The following KIF26B variants were observed in gnomAD, a reference collection of about 807,000 sequenced individuals.
The protein encoded by KIF26B is kinesin-like protein KIF26B.
KIF26B carries 63 observed loss-of-function variants against 151.2 expected under a neutral mutation model. The observed-to-expected ratio is 0.42, with a 90% CI of 0.34 to 0.51. The LOEUF is 0.51. Among genes scored for constraint, KIF26B ranks in the 20% least tolerant of loss-of-function variants. The pLI, the probability that KIF26B is intolerant of heterozygous loss-of-function variation, is 0.07. For synonymous variants in KIF26B, 1,357 were observed against 1,262.1 expected (o/e 1.08, Z -1.59); for missense variants, 2,813 against 2,913.6 (o/e 0.97, Z 0.79).
At chr1:245,462,015 C>G (rs1416216363) in intron 4 of KIF26B, among the ~76,000 whole-genome samples, 7 of 152,130 alleles carry the variant, frequency 4.6e-5, no homozygotes, top group Middle Eastern at 3.4e-3. Context: ...TGCCTGTAGT[C>G]CCAGGTACTC....
chr1:245,433,718 G>A (rs1658836086), intron 4 of KIF26B, among the ~76,000 whole-genome samples: 1 of 152,122 alleles, frequency 6.6e-6, no homozygotes, highest in Non-Finnish European at 1.5e-5. Flanking sequence ...AGCATCACAT[G>A]GCAATTAGAT....
At chr1:245,298,086 C>A (rs1405296509) in intron 2 of KIF26B, among the ~76,000 whole-genome samples, 2 of 152,094 alleles carry the variant, frequency 1.3e-5, no homozygotes, top group Non-Finnish European at 1.5e-5. Context: ...GGGCTCTCAC[C>A]ATGTTGGCCA....
At chr1:245,291,463 C>T (rs1378440231) in intron 2 of KIF26B, among the ~76,000 whole-genome samples, 2 of 152,178 alleles carry the variant, frequency 1.3e-5, no homozygotes, top group Non-Finnish European at 2.9e-5. Flanking sequence ...ATCTCCTATT[C>T]CCTGATCCCT....
chr1:245,559,162 T>C (rs1662108157), intron 5 of KIF26B, among the ~76,000 whole-genome samples: 1 of 152,056 alleles, frequency 6.6e-6, no homozygotes. Flanking sequence ...CTGGGCAACG[T>C]AGGGAGACCC....
chr1:245,492,553 A>G (rs1323368121), intron 4 of KIF26B, among the ~76,000 whole-genome samples: 5 of 152,242 alleles, frequency 3.3e-5, no homozygotes, highest in African/African-American at 1.2e-4. Context: ...TTTTTAAAAG[A>G]AAAACAAAGG....
chr1:245,478,149 G>T (rs973529909), intron 4 of KIF26B, among the ~76,000 whole-genome samples: 2 of 151,790 alleles, frequency 1.3e-5, no homozygotes, highest in African/African-American at 4.8e-5. Context: ...CATCCATGTT[G>T]TAACAAACAT....
chr1:245,667,826 G>GGTGGCATGA lies in KIF26B; in HGVS notation c.2259-16404_2259-16396dup, dbSNP rs1425093724. ...ACAGACAAACAAAAGGGACCAAAGAGGTGGCATGAGTAGCATGAGTCAGAT... is the reference window on the plus strand; with the variant it reads ...ACAGACAAACAAAAGGGACCAAAGAGGTGGCATGAGTGGCATGAGTAGCATGAGTCAGAT... On this transcript the variant is annotated intron_variant, in intron 10 of 14. Coordinates refer to ENST00000407071, the MANE Select transcript of KIF26B (RefSeq NM_018012.4). The surrounding 1 kb of genome is among the most constrained non-coding windows in gnomAD (Gnocchi z 4.3). Among the ~76,000 whole-genome samples the GGTGGCATGA allele has an allele frequency of 6.6e-6, 1 of 152,150 alleles. No homozygotes were observed.
chr1:245,553,345 T>C (rs1661938147), intron 5 of KIF26B, among the ~76,000 whole-genome samples: 1 of 152,146 alleles, frequency 6.6e-6, no homozygotes, highest in Non-Finnish European at 1.5e-5. Context: ...GTGGTCATTT[T>C]GGTTTCAGAA....
Position 245,156,284 on chromosome 1 carries a change from G to A in KIF26B, c.66G>A (p.Val22=), listed in dbSNP as rs989265794. ...AVSTRGKKYG[V]NEVCSPTKPA... ...ACACCGGCGTGTCTTCCCCGCAGGT[G>A]AATGAAGTCTGCTCGCCCACCAAGC... The change falls in exon 2 of 15, where the codon GTG becomes GTA. Residue 22 remains valine, a splice_region_variant and synonymous_variant. Coordinates refer to ENST00000407071, the MANE Select transcript of KIF26B (RefSeq NM_018012.4). 1.3e-6 allele frequency: 2 copies of A among 1,546,718 alleles called. No homozygotes were observed. The highest frequency in any genetic ancestry group is 3.9e-5 in the Admixed American group (2 of 50,884).
At chr1:245,677,731 C>G (rs1229942113) in intron 10 of KIF26B, among the ~76,000 whole-genome samples, 1 of 152,252 alleles carries the variant, frequency 6.6e-6, no homozygotes, top group Non-Finnish European at 1.5e-5. Context: ...AGGAAGCAGT[C>G]ATGGACAGCG....
intron 3 of KIF26B, among the ~76,000 whole-genome samples, chr1:245,401,777 T>C (rs773953828): frequency 2.6e-5 from 4 of 152,014 alleles, no homozygotes; most frequent in South Asian, 2.1e-4. Flanking sequence ...GGCTGAGGCA[T>C]GAGAATTGCT....
chr1:245,456,061 G>A (rs1019653060), intron 4 of KIF26B, among the ~76,000 whole-genome samples: 1 of 152,126 alleles, frequency 6.6e-6, no homozygotes, highest in Admixed American at 6.5e-5. Flanking sequence ...AACCATTAGT[G>A]GCTTTTTAGT....
At chr1:245,555,444 G>C (rs1661997061) in intron 5 of KIF26B, among the ~76,000 whole-genome samples, 1 of 152,102 alleles carries the variant, frequency 6.6e-6, no homozygotes, top group Non-Finnish European at 1.5e-5. Context: ...CTCTCTTACA[G>C]CTGCCACCAG....
At chr1:245,209,407 A>G (rs1669467510) in intron 2 of KIF26B, among the ~76,000 whole-genome samples, 1 of 152,056 alleles carries the variant, frequency 6.6e-6, no homozygotes, top group South Asian at 2.1e-4. Flanking sequence ...TCTAAAAAAA[A>G]TAAAACAAGA....
chr1:245,671,088 A>T (rs1272022199), intron 10 of KIF26B, among the ~76,000 whole-genome samples: 6 of 152,200 alleles, frequency 3.9e-5, no homozygotes, highest in African/African-American at 9.6e-5. Flanking sequence ...CAAACAAGTG[A>T]GAACATGTGA....
chr1:245,238,312 C>T (rs747467244), intron 2 of KIF26B, among the ~76,000 whole-genome samples: 9 of 151,778 alleles, frequency 5.9e-5, no homozygotes, highest in Non-Finnish European at 8.8e-5. Flanking sequence ...CTCCAGCCTG[C>T]GTGACAGAAA....
At chr1:245,467,517 C>T (rs1104432) in intron 4 of KIF26B, among the ~76,000 whole-genome samples, 3 of 152,206 alleles carry the variant, frequency 2.0e-5, no homozygotes, top group Admixed American at 6.5e-5. Flanking sequence ...CTCAGCTCTT[C>T]CCCTCTCTGC....
intron 10 of KIF26B, among the ~76,000 whole-genome samples, chr1:245,663,780 T>A (rs1538962): frequency 0.086 from 13,059 of 152,228 alleles, 999 homozygotes; most frequent in East Asian, 0.39. Flanking sequence ...GGACAGTTTC[T>A]TTCCCCTCTG....
chr1:245,690,263 C>A (rs1206974754), intron 12 of KIF26B, among the ~76,000 whole-genome samples: 1 of 152,236 alleles, frequency 6.6e-6, no homozygotes, highest in East Asian at 1.9e-4. Flanking sequence ...CGGGTTCCTG[C>A]CCTCCTGGCC....
Sources: gnomAD v4.1 joint callset for allele counts (sites outside exome capture counted in the v4.1 genomes callset) on GRCh38, gnomAD v4.1.1 for gene constraint, Gnocchi (gnomAD v3.1) non-coding constraint, MANE v1.5 for transcripts, NCBI Gene and HGNC (gene_info 2026-07-23, HGNC 2026-07-21) for gene names.